Variants in PXDNL observed in about 807,000 individuals in gnomAD.
PXDNL encodes probable oxidoreductase PXDNL.
In PXDNL, 145 loss-of-function variants were observed where a neutral mutation model predicts 150.8. The ratio of observed to expected loss-of-function variants is 0.96; its 90% CI spans 0.84 to 1.10. The LOEUF (loss-of-function observed/expected upper bound fraction) is 1.10. Among genes scored for constraint, PXDNL ranks in the 50% least tolerant of loss-of-function variants. The pLI is 0.00. For synonymous variants in PXDNL, 757 were observed against 725.7 expected (o/e 1.04, Z -0.69); for missense variants, 2,087 against 1,873.9 (o/e 1.11, Z -2.10).
chr8:51,375,087 C>A (rs1340112150), intron 17 of PXDNL, among the ~76,000 whole-genome samples: 1 of 152,018 alleles, frequency 6.6e-6, no homozygotes, highest in East Asian at 1.9e-4. Context: ...CTAGCTAATT[C>A]CTTCAGAAAT....
Position 51,409,313 on chromosome 8 carries a change from C to A in PXDNL, c.2311G>T (p.Val771Leu). 2.1e-6 allele frequency: 3 copies of A among 1,424,144 alleles called. No individual in the cohort carries two copies. Among genetic ancestry groups the A allele is most frequent in the African/African-American group, 1.5e-5 (1 of 66,634 alleles). The allele number at this position is 1,424,144 out of a possible 1,614,324, so 88.2% of individuals were successfully genotyped here. ...GGCGGGAGGGGCTGGCGGGAGCCCA[C>A]AGGAAGGCCGAGCCCGCGGGGCGCG... ...IRAPRGLGLP[V>L]GSRQPLPPPR... Residue 771 changes from valine (V) to leucine (L), a missense_variant, in exon 17 of 23, where the codon GTG becomes TTG. Coordinates refer to ENST00000356297, the MANE Select transcript of PXDNL (RefSeq NM_144651.5).
chr8:51,626,812 T>C (rs1419901408), intron 2 of PXDNL, among the ~76,000 whole-genome samples: 4 of 152,186 alleles, frequency 2.6e-5, no homozygotes, highest in African/African-American at 9.7e-5. Flanking sequence ...AGCCAGTTTG[T>C]TATGATGAAC....
chr8:51,566,242 G>T (rs1274491043), intron 3 of PXDNL, among the ~76,000 whole-genome samples: 1 of 151,734 alleles, frequency 6.6e-6, no homozygotes, highest in Non-Finnish European at 1.5e-5. Context: ...TTGGTCTGTG[G>T]TTATTATTTC....
intron 19 of PXDNL, among the ~76,000 whole-genome samples, chr8:51,349,829 T>C (rs533992446): frequency 6.6e-6 from 1 of 152,314 alleles, no homozygotes; most frequent in African/African-American, 2.4e-5. Context: ...ATTCCATAGA[T>C]TAAAAATATG....
intron 19 of PXDNL, among the ~76,000 whole-genome samples, chr8:51,348,958 C>G (rs951598816): frequency 6.6e-6 from 1 of 152,122 alleles, no homozygotes; most frequent in African/African-American, 2.4e-5. Flanking sequence ...ATAATAGGGT[C>G]ATTATTTGTT....
intron 17 of PXDNL, among the ~76,000 whole-genome samples, chr8:51,399,394 C>T (rs1338054847): frequency 1.3e-5 from 2 of 152,128 alleles, no homozygotes; most frequent in East Asian, 1.9e-4. Context: ...ATACCACTCA[C>T]AATGAACAAA....
intron 21 of PXDNL, among the ~76,000 whole-genome samples, chr8:51,321,341 T>TTTACAACTTTACAA (rs1805308186): frequency 6.6e-6 from 1 of 152,216 alleles, no homozygotes; most frequent in African/African-American, 2.4e-5. Context: ...GACCAGGGTC[T>TTTACAACTTTACAA]CTCCAACTTT....
At chr8:51,703,787 T>C (rs1351126546) in intron 1 of PXDNL, among the ~76,000 whole-genome samples, 1 of 152,260 alleles carries the variant, frequency 6.6e-6, no homozygotes, top group Non-Finnish European at 1.5e-5. Context: ...AAATGCAGCA[T>C]GATTAAAAAT....
rs771257659 is a variant in PXDNL at position 51,645,777 on chromosome 8, TA to T, written c.236+8911del. On this transcript the variant is annotated intron_variant, in intron 2 of 22. Coordinates refer to ENST00000356297, the MANE Select transcript of PXDNL (RefSeq NM_144651.5). ...TGAATCAAAAGTTTGATTTTATAAA[TA>T]CTGAGCTCGGGATGCTGACAGGCCT... Among the ~76,000 whole-genome samples, 256 of 152,264 alleles carry T rather than the reference TA, an allele frequency of 1.7e-3. 1 individual carries two copies. The highest frequency in any genetic ancestry group is 2.8e-3 in the Non-Finnish European group (192 of 68,004).
intron 3 of PXDNL, among the ~76,000 whole-genome samples, chr8:51,557,998 T>C (rs1043085446): frequency 6.6e-6 from 1 of 152,152 alleles, no homozygotes; most frequent in Non-Finnish European, 1.5e-5. Context: ...CTTCAGAAGA[T>C]TTTGCTTTTA....
chr8:51,574,494 G>A (rs961869566), intron 3 of PXDNL, among the ~76,000 whole-genome samples: 1 of 151,722 alleles, frequency 6.6e-6, no homozygotes, highest in African/African-American at 2.4e-5. Flanking sequence ...AAAGGATGAG[G>A]CTAAAAAGTC....
intron 1 of PXDNL, among the ~76,000 whole-genome samples, chr8:51,657,706 T>C (rs558410706): frequency 2.2e-4 from 33 of 152,334 alleles, no homozygotes; most frequent in African/African-American, 7.9e-4. Context: ...CATTGCAAAT[T>C]TATTTTCAGC....
At chr8:51,652,696 G>A (rs548870749) in intron 2 of PXDNL, among the ~76,000 whole-genome samples, 14 of 152,140 alleles carry the variant, frequency 9.2e-5, no homozygotes, top group South Asian at 8.3e-4. Flanking sequence ...TAAAATGAAC[G>A]TAGTAACACC....
At chr8:51,550,361 C>T (rs1042942838) in intron 4 of PXDNL, among the ~76,000 whole-genome samples, 2 of 151,908 alleles carry the variant, frequency 1.3e-5, no homozygotes, top group South Asian at 2.1e-4. Context: ...AATACCAAAA[C>T]GAGGAGATGA....
Position 51,632,158 on chromosome 8 carries a change from A to G in PXDNL, c.236+22531T>C, listed in dbSNP as rs192328629. ...TATATGAAGAAAAAAGGACCACTGA[A>G]GAGAGAAAGTGATAGTTCTACAGTA... is the stretch of plus-strand genomic sequence containing the variant. On this transcript the variant is annotated intron_variant, in intron 2 of 22. Coordinates refer to ENST00000356297, the MANE Select transcript of PXDNL (RefSeq NM_144651.5). 3.8e-3 allele frequency among the ~76,000 whole-genome samples: 574 copies of G among 152,328 alleles called. 2 individuals are homozygous for G. Among genetic ancestry groups the G allele is most frequent in the Non-Finnish European group, 7.0e-3 (478 of 68,032 alleles).
chr8:51,799,138 C>G (rs929160108), intron 1 of PXDNL, among the ~76,000 whole-genome samples: 5 of 152,122 alleles, frequency 3.3e-5, no homozygotes, highest in African/African-American at 1.2e-4. Context: ...AATACAGGAA[C>G]AGAACACCAT....
rs116618387 is a variant in PXDNL at position 51,628,777 on chromosome 8, C to A, written c.236+25912G>T. Among the ~76,000 whole-genome samples the A allele has an allele frequency of 6.4e-3, 970 of 151,924 alleles. 16 individuals are homozygous for A. Among genetic ancestry groups the A allele is most frequent in the African/African-American group, 0.022 (896 of 41,428 alleles). ...TCTCTACCAAAATTCTAGCTGGACACAAGTAAAAAGAACAGTCTTCAGAGA... is the reference window on the plus strand; with the variant it reads ...TCTCTACCAAAATTCTAGCTGGACAAAAGTAAAAAGAACAGTCTTCAGAGA... On this transcript the variant is annotated intron_variant, in intron 2 of 22. Transcript: ENST00000356297.
intron 21 of PXDNL, among the ~76,000 whole-genome samples, chr8:51,324,029 G>A (rs1805411594): frequency 6.6e-6 from 1 of 151,922 alleles, no homozygotes; most frequent in Non-Finnish European, 1.5e-5. Flanking sequence ...TAACTAAAAA[G>A]TCTTGATAAT....
At chr8:51,348,275 T>G (rs1264168758) in intron 19 of PXDNL, among the ~76,000 whole-genome samples, 2 of 152,224 alleles carry the variant, frequency 1.3e-5, no homozygotes, top group Non-Finnish European at 2.9e-5. Flanking sequence ...GCTTTAGAAT[T>G]TATTTACTTT....
Sources: allele counts gnomAD v4.1 joint callset (sites outside exome capture counted in the v4.1 genomes callset), GRCh38; gene constraint gnomAD v4.1.1; transcripts MANE v1.5; gene names NCBI Gene and HGNC (gene_info 2026-07-23, HGNC 2026-07-21).